ZNF334: variants seen among roughly 807,000 people sequenced by gnomAD.
ZNF334 encodes the protein zinc finger protein 334.
In ZNF334, 14 loss-of-function variants were observed where a neutral mutation model predicts 12.4. That is an observed-to-expected ratio of 1.13 (90% CI 0.74 to 1.76). The LOEUF is 1.76. Ranked by LOEUF, ZNF334 falls within the 40% of genes most tolerant of loss-of-function variation. The probability of loss-of-function intolerance (pLI) is 0.00; values close to 1 mark genes in which losing one functional copy is unlikely to be tolerated. For synonymous variants in ZNF334, 273 were observed against 269.6 expected, an observed-to-expected ratio of 1.01 and a Z score of -0.12; for missense variants, 797 against 804.5, an observed-to-expected ratio of 0.99 and a Z score of 0.11.
intron 2 of ZNF334, among the ~76,000 whole-genome samples, chr20:46,506,882 T>C (rs1274491570): frequency 6.6e-6 from 1 of 151,720 alleles, no homozygotes; most frequent in Non-Finnish European, 1.5e-5. Flanking sequence ...GAGGCTGAGG[T>C]GGGAGGATCG....
the ZNF334 span, among the ~76,000 whole-genome samples, chr20:46,467,071 A>T: frequency 6.6e-6 from 1 of 152,190 alleles, no homozygotes; most frequent in Non-Finnish European, 1.5e-5. Context: ...GTTAACAGCA[A>T]TACACTGTAA....
At chr20:46,475,973 T>C in the ZNF334 span, among the ~76,000 whole-genome samples, 1 of 152,238 alleles carries the variant, frequency 6.6e-6, no homozygotes, top group Non-Finnish European at 1.5e-5. Flanking sequence ...CTAATTTTCA[T>C]AGTAGCTTCA....
Position 46,513,301 on chromosome 20 carries a change from T to C in ZNF334, c.-800A>G, listed in dbSNP as rs2061718791. 1.3e-5 allele frequency: 2 copies of C among 152,348 alleles called. No homozygotes were observed. Among genetic ancestry groups the C allele is most frequent in the South Asian group, 4.1e-4 (2 of 4,826 alleles). The allele number at this position is 152,348 out of a possible 1,614,324, so 9.4% of individuals were successfully genotyped here. On this transcript the variant is annotated 5_prime_UTR_variant, in exon 1 of 5. Coordinates refer to ENST00000692313, the MANE Select transcript of ZNF334 (RefSeq NM_001353824.2). ...CGTGGCCTGCAGGTCAGGAGCCCAATCCTGCCCTGGCTGCCTCGCCTCCCG... is the reference window on the plus strand; with the variant it reads ...CGTGGCCTGCAGGTCAGGAGCCCAACCCTGCCCTGGCTGCCTCGCCTCCCG...
the ZNF334 span, among the ~76,000 whole-genome samples, chr20:46,493,479 G>A: frequency 6.6e-6 from 1 of 152,156 alleles, no homozygotes; most frequent in Non-Finnish European, 1.5e-5. Context: ...TGGTCAAGAT[G>A]GTTTCTGCTG....
At chr20:46,473,308 G>C in the ZNF334 span, among the ~76,000 whole-genome samples, 3 of 152,132 alleles carry the variant, frequency 2.0e-5, no homozygotes, top group Admixed American at 6.5e-5. Flanking sequence ...TTTAATAACT[G>C]AATTTTGACT....
rs1356429323 is a variant in ZNF334, at chr20:46,501,731, C to T, written c.1608G>A (p.Gln536=). Reference sequence around the variant, plus strand: ...CATATGGTCTCTCCCATATAGTTCTCTGATGTACAATGAGGTGTGAGTTTT... The same window carrying T: ...CATATGGTCTCTCCCATATAGTTCTTTGATGTACAATGAGGTGTGAGTTTT... The part of the protein sequence containing the change: ...VSKNSHLIVH[Q]RTIWERPYEC... The change falls in exon 5 of 5, where the codon CAG becomes CAA. Residue 536 remains glutamine, a synonymous_variant. Transcript: ENST00000692313. 4 of 1,613,970 alleles carry T rather than the reference C, an allele frequency of 2.5e-6. No homozygotes were observed. In the African/African-American group the frequency reaches 5.3e-5, roughly 22 times the overall value.
At chr20:46,478,823 G>A in the ZNF334 span, among the ~76,000 whole-genome samples, 2 of 152,136 alleles carry the variant, frequency 1.3e-5, no homozygotes, top group Admixed American at 6.5e-5. Flanking sequence ...CTTCTGTAGG[G>A]GCATTTCACC....
At chr20:46,483,994 A>C in the ZNF334 span, among the ~76,000 whole-genome samples, 1 of 152,308 alleles carries the variant, frequency 6.6e-6, no homozygotes, top group South Asian at 2.1e-4. Context: ...ACTCTGTCAA[A>C]TCTTTAGTTT....
downstream of ZNF334, among the ~76,000 whole-genome samples, chr20:46,499,029 C>A (rs2145922867): frequency 6.6e-6 from 1 of 151,650 alleles, no homozygotes; most frequent in Non-Finnish European, 1.5e-5. Context: ...AAAAAATTAG[C>A]CGGGCGTAGT....
chr20:46,484,156 T>A, the ZNF334 span, among the ~76,000 whole-genome samples: 11 of 152,224 alleles, frequency 7.2e-5, no homozygotes, highest in African/African-American at 2.6e-4. Context: ...TTGGGTGGGA[T>A]TCTGACTTAG....
chr20:46,508,184 A>ATT (rs1568874001), intron 2 of ZNF334, among the ~76,000 whole-genome samples: 1 of 152,268 alleles, frequency 6.6e-6, no homozygotes, highest in Non-Finnish European at 1.5e-5. Flanking sequence ...TGTAAGTAGA[A>ATT]TGATGATCCA....
At chr20:46,463,187 C>A in the ZNF334 span, among the ~76,000 whole-genome samples, 1 of 152,174 alleles carries the variant, frequency 6.6e-6, no homozygotes. Context: ...GGGGAGGTTG[C>A]AGTGAGCCGA....
chr20:46,502,832 C>T lies in ZNF334; in HGVS notation c.507G>A (p.Gly169=). 6.2e-7 allele frequency: 1 copy of T among 1,613,928 alleles called. No individual in the cohort carries two copies. Among genetic ancestry groups the T allele is most frequent in the South Asian group, 1.1e-5 (1 of 91,068 alleles). The change falls in exon 5 of 5, where the codon GGG becomes GGA. Residue 169 remains glycine (G), a synonymous_variant. Transcript: ENST00000692313. ...RKIPDGYSGF[G]KHEKSHLGMK... Reference sequence around the variant, plus strand: ...TTCCCAAATGACTTTTCTCATGCTTCCCAAATCCACTGTATCCATCAGGAA... The same window carrying T: ...TTCCCAAATGACTTTTCTCATGCTTTCCAAATCCACTGTATCCATCAGGAA...
chr20:46,463,527 C>A, the ZNF334 span, among the ~76,000 whole-genome samples: 1 of 152,158 alleles, frequency 6.6e-6, no homozygotes, highest in African/African-American at 2.4e-5. Flanking sequence ...TCCTTGGACC[C>A]CAAAGCAGGG....
downstream of ZNF334, among the ~76,000 whole-genome samples, chr20:46,498,375 G>A (rs541459492): frequency 2.0e-5 from 3 of 152,340 alleles, no homozygotes; most frequent in East Asian, 3.9e-4. Context: ...CGGCTGCCAC[G>A]TTGTGAGGAA....
rs1335107561 is a variant in ZNF334 at position 46,512,940 on chromosome 20, G to A, written c.-439C>T. ...TGGTGCAGCTCTGAATAAACAGAGG[G>A]TGGAGATGGTAGGGAATGACATGTA... is the stretch of plus-strand genomic sequence containing the variant. On this transcript the variant is annotated 5_prime_UTR_variant, in exon 1 of 5. Transcript: ENST00000692313. 6.6e-6 allele frequency: 1 copy of A among 152,328 alleles called. No homozygotes were observed. The highest frequency in any genetic ancestry group is 2.4e-5 in the African/African-American group (1 of 41,556). 9.4% of individuals were successfully genotyped at this position (152,328 alleles called of 1,614,324 possible). A position where few individuals can be genotyped will look rare whatever the true frequency, so the allele number is the denominator to read the frequency against.
the ZNF334 span, among the ~76,000 whole-genome samples, chr20:46,462,525 A>G: frequency 2.6e-5 from 4 of 152,230 alleles, no homozygotes; most frequent in Non-Finnish European, 5.9e-5. Context: ...ACTCAACAAC[A>G]AAACACCTCG....
At chr20:46,503,187 G>T in intron 4 of ZNF334, 90 bp from the exon 5 acceptor site, 1 of 1,399,528 alleles carries the variant, frequency 7.1e-7, no homozygotes, top group Non-Finnish European at 9.4e-7. Context: ...TTGTTTTAGG[G>T]GTTAGACTTC....
chr20:46,505,603 T>A (rs546240453), intron 2 of ZNF334: 104 of 153,856 alleles, frequency 6.8e-4, no homozygotes, highest in Non-Finnish European at 1.3e-3. Context: ...AAATGTGTAT[T>A]TTGAAACAAT....
Sources: gnomAD v4.1 joint callset for allele counts (sites outside exome capture counted in the v4.1 genomes callset) on GRCh38, gnomAD v4.1.1 for gene constraint, MANE v1.5 for transcripts, NCBI Gene and HGNC (gene_info 2026-07-23, HGNC 2026-07-21) for gene names.